The following DNAJB12 variants were observed in gnomAD, a reference collection of about 807,000 sequenced individuals.
DNAJB12 encodes dnaJ homolog subfamily B member 12.
In DNAJB12, 14 loss-of-function variants were observed where a neutral mutation model predicts 40.6. That is an observed-to-expected ratio of 0.34 (90% CI 0.23 to 0.54). DNAJB12 has a LOEUF of 0.54. DNAJB12 is among the 20% of genes least tolerant of loss of function. The probability of loss-of-function intolerance (pLI) is 0.92; values close to 1 mark genes in which losing one functional copy is unlikely to be tolerated. For synonymous variants in DNAJB12, 181 were observed against 199.5 expected (o/e 0.91, Z 0.78); for missense variants, 444 against 501.7 (o/e 0.89, Z 1.10).
chr10:72,353,778 G>A (rs1247358973), intron 1 of DNAJB12: 1 of 152,172 alleles, frequency 6.6e-6, no homozygotes, highest in Non-Finnish European at 1.5e-5. Context: ...ATCTTCCCGA[G>A]GAGGAAACCC....
In DNAJB12 at chr10:72,335,477, CG is replaced by C. The variant is rs1861445061; in HGVS notation, c.*30+302del. On this transcript the variant is annotated intron_variant, in intron 8 of 8. Transcript: ENST00000444643. This position sits in a 1 kb window ranked among gnomAD's most constrained non-coding sequence, Gnocchi z 4.4. ...ATGGCTGGAGTGGACCAAGAAGCCC[CG>C]GGTGGCCCTCAGCAACAGTTTCAAG... The C allele has an allele frequency of 8.9e-7, 1 of 1,129,346 alleles. No homozygotes were observed. Among genetic ancestry groups the C allele is most frequent in the Non-Finnish European group, 1.1e-6 (1 of 914,428 alleles). The allele number at this position is 1,129,346 out of a possible 1,614,324, so 70.0% of individuals were successfully genotyped here.
chr10:72,338,391 A>G (rs948835459), intron 5 of DNAJB12, 80 bp from the exon 6 acceptor site: 5 of 1,172,204 alleles, frequency 4.3e-6, no homozygotes, highest in Non-Finnish European at 6.3e-6. Context: ...GCTCCCCTAG[A>G]ATAGTGGAGC....
rs1292468136 is a variant in DNAJB12 at position 72,334,628 on chromosome 10, G to A, written c.*31-11C>T. 1.3e-6 allele frequency: 2 copies of A among 1,530,052 alleles called. No individual in the cohort carries two copies. Among genetic ancestry groups the A allele is most frequent in the Non-Finnish European group, 1.7e-6 (2 of 1,145,076 alleles). The allele number at this position is 1,530,052 out of a possible 1,614,324, so 94.8% of individuals were successfully genotyped here. ...CAGGGATTTCATAGTCTGGGGAGGA[G>A]AGTGGCAACAGTTAGCTCGGCATTC... On this transcript the variant is annotated splice_polypyrimidine_tract_variant and intron_variant, in intron 8 of 8. Coordinates refer to ENST00000444643, the MANE Select transcript of DNAJB12 (RefSeq NM_017626.7).
Position 72,348,080 on chromosome 10 carries a change from C to T in DNAJB12, c.134-2953G>A, listed in dbSNP as rs1343673550. Among the ~76,000 whole-genome samples, 14 of 150,678 alleles carry T rather than the reference C, an allele frequency of 9.3e-5. No individual in the cohort carries two copies. The South Asian group carries it at 1.3e-3, about 14-fold the overall frequency. On this transcript the variant is annotated intron_variant, in intron 1 of 8. Transcript: ENST00000444643. ...CTCTACTAAAAATACAAAAATTAGC[C>T]GGCGTGGTGGCAGGCGCCTGTAATC... is the stretch of plus-strand genomic sequence containing the variant.
At chr10:72,334,771 G>C in intron 8 of DNAJB12, 154 bp from the exon 9 acceptor site, 1 of 1,401,012 alleles carries the variant, frequency 7.1e-7, no homozygotes, top group Non-Finnish European at 9.2e-7. Flanking sequence ...CCCTCCTGCG[G>C]CAGCACAGAG....
In DNAJB12 at chr10:72,340,789, A is replaced by G; in HGVS notation, c.723T>C (p.Asp241=). The change falls in exon 5 of 9, where the codon GAT becomes GAC. Residue 241 remains aspartate, a splice_region_variant and synonymous_variant. Transcript: ENST00000444643. ...TGTCCCTGGCGCCCTCCTCACTCAC[A>G]TCACCCTGGTTGTCCCTGCGGTCCT... ...QRQDRRDNQG[D]GGLGVFVQLM... is the part of the protein sequence containing the mutation. The G allele has an allele frequency of 6.2e-7, 1 of 1,613,886 alleles. No homozygotes were observed. Among genetic ancestry groups the G allele is most frequent in the East Asian group, 2.2e-5 (1 of 44,872 alleles).
At chr10:72,338,880 AAAG>A (rs978008941) in intron 5 of DNAJB12, among the ~76,000 whole-genome samples, 22 of 152,144 alleles carry the variant, frequency 1.4e-4, no homozygotes, top group African/African-American at 4.8e-4. Context: ...ACAAACAAAA[AAAG>A]AAGAATTAGA....
Position 72,333,409 on chromosome 10 carries a change from G to C in DNAJB12, c.*1239C>G, listed in dbSNP as rs931457967. On this transcript the variant is annotated 3_prime_UTR_variant, in exon 9 of 9. Coordinates refer to ENST00000444643, the MANE Select transcript of DNAJB12 (RefSeq NM_017626.7). Reference sequence around the variant, plus strand: ...AGGGTAAGAAAACTATTCTGGTTCAGGTGTATCCTTTGTCCAAGGTACGAG... The same window carrying C: ...AGGGTAAGAAAACTATTCTGGTTCACGTGTATCCTTTGTCCAAGGTACGAG... The C allele has an allele frequency of 6.6e-6, 1 of 152,328 alleles. No homozygotes were observed. The highest frequency in any genetic ancestry group is 1.5e-5 in the Non-Finnish European group (1 of 68,052). 9.4% of individuals were successfully genotyped at this position (152,328 alleles called of 1,614,324 possible). A position where few individuals can be genotyped will look rare whatever the true frequency, so the allele number is the denominator to read the frequency against.
chr10:72,348,546 G>A (rs942606196), intron 1 of DNAJB12, among the ~76,000 whole-genome samples: 1 of 152,232 alleles, frequency 6.6e-6, no homozygotes, highest in Non-Finnish European at 1.5e-5. Context: ...CCACCAGTGC[G>A]ACCCACTGAG....
At chr10:72,344,355 G>A (rs911720352) in intron 2 of DNAJB12, among the ~76,000 whole-genome samples, 1 of 152,228 alleles carries the variant, frequency 6.6e-6, no homozygotes, top group African/African-American at 2.4e-5. Context: ...GCCAGGAGCT[G>A]TGGCATGACC....
At position 72,341,251 on chromosome 10, in the gene DNAJB12, T is replaced by C. The variant is rs1458995084; in HGVS notation, c.458-81A>G. On this transcript the variant is annotated intron_variant, in intron 3 of 8. Transcript: ENST00000444643. ...CCCATGGCAGCCGAGTGCTCACTTT[T>C]CTCAGGTACTCAAGCAGTGCTTTAG... is the stretch of plus-strand genomic sequence containing the variant. 4 of 1,368,626 alleles carry C rather than the reference T, an allele frequency of 2.9e-6. No individual in the cohort carries two copies. In the African/African-American group the frequency reaches 4.3e-5, roughly 15 times the overall value. 84.8% of individuals were successfully genotyped at this position (1,368,626 alleles called of 1,614,324 possible).
intron 8 of DNAJB12, chr10:72,334,992 C>A: frequency 1.8e-6 from 2 of 1,092,902 alleles, no homozygotes; most frequent in Non-Finnish European, 2.2e-6. Flanking sequence ...AGGAGGGAGC[C>A]TGCTACCAGC....
Position 72,335,587 on chromosome 10 carries a change from G to C in DNAJB12, c.*30+193C>G. ...AGGAGTGGGGAGGACAGCATCGCTA[G>C]AGGGCGGAAACCGACCTTGGTTTCC... On this transcript the variant is annotated intron_variant, in intron 8 of 8. Transcript: ENST00000444643. This position sits in a 1 kb window ranked among gnomAD's most constrained non-coding sequence, Gnocchi z 4.4. 2 of 1,376,066 alleles carry C rather than the reference G, an allele frequency of 1.5e-6. No homozygotes were observed. The highest frequency in any genetic ancestry group is 1.5e-5 in the African/African-American group (1 of 68,136). 85.2% of individuals were successfully genotyped at this position (1,376,066 alleles called of 1,614,324 possible).
intron 6 of DNAJB12, among the ~76,000 whole-genome samples, chr10:72,337,936 CGTGT>C (rs753596521): frequency 2.9e-4 from 44 of 151,966 alleles, no homozygotes; most frequent in South Asian, 1.9e-3. Context: ...ACATGTGTAT[CGTGT>C]GTGTGTATGT....
In DNAJB12 at chr10:72,338,242, G is replaced by A; in HGVS notation, c.793C>T (p.Leu265Phe). ...ILILVSALSQ[L>F]MVSSPPYSLS... The stretch of plus-strand genomic sequence containing the variant: ...CTGTAGGGTGGACTGGAGACCATGA[G>A]CTGGCTGAGAGCTGACACGAGAATC... The change falls in exon 6 of 9, where the codon CTC becomes TTC. Residue 265 changes from leucine to phenylalanine, a missense_variant. Coordinates refer to ENST00000444643, the MANE Select transcript of DNAJB12 (RefSeq NM_017626.7). The A allele has an allele frequency of 6.2e-7, 1 of 1,614,118 alleles. No individual in the cohort carries two copies. The highest frequency in any genetic ancestry group is 8.5e-7 in the Non-Finnish European group (1 of 1,180,000).
chr10:72,348,719 C>G (rs537001031), intron 1 of DNAJB12, among the ~76,000 whole-genome samples: 3 of 152,344 alleles, frequency 2.0e-5, no homozygotes, highest in South Asian at 4.1e-4. Context: ...TGGGGTTGCT[C>G]TGAGTAAGGG....
rs141725653 is a variant in DNAJB12, at chr10:72,335,082, C to CA, written c.*31-466dup. On this transcript the variant is annotated intron_variant, in intron 8 of 8. Transcript: ENST00000444643. The surrounding 1 kb of genome is among the most constrained non-coding windows in gnomAD (Gnocchi z 4.4). ...ACTCATGACCTTCTGTTCCCTTCCTCAGACCGCAGGCGAGATGCCTGGGCA... is the reference window on the plus strand; with the variant it reads ...ACTCATGACCTTCTGTTCCCTTCCTCAAGACCGCAGGCGAGATGCCTGGGCA... The CA allele has an allele frequency of 0.023, 23,107 of 993,540 alleles. 283 individuals carry two copies. Among genetic ancestry groups the CA allele is most frequent in the South Asian group, 0.038 (837 of 22,194 alleles). 61.5% of individuals were successfully genotyped at this position (993,540 alleles called of 1,614,324 possible).
At chr10:72,334,839 G>GTTT in intron 8 of DNAJB12, 2 of 1,348,294 alleles carry the variant, frequency 1.5e-6, no homozygotes, top group Non-Finnish European at 1.9e-6. Context: ...GGAGGACACA[G>GTTT]GCAAAGGAGG....
chr10:72,350,565 A>C (rs183193976), intron 1 of DNAJB12, among the ~76,000 whole-genome samples: 1 of 152,080 alleles, frequency 6.6e-6, no homozygotes, highest in African/African-American at 2.4e-5. Context: ...CCAGCAAAAA[A>C]CTCAGCCCAA....
Sources: gnomAD v4.1 joint callset for allele counts (sites outside exome capture counted in the v4.1 genomes callset) on GRCh38, gnomAD v4.1.1 for gene constraint, Gnocchi (gnomAD v3.1) non-coding constraint, MANE v1.5 for transcripts, NCBI Gene and HGNC (gene_info 2026-07-23, HGNC 2026-07-21) for gene names.